The following TADA2A variants were observed in gnomAD, a reference collection of about 807,000 sequenced individuals.
The protein encoded by TADA2A is transcriptional adapter 2-alpha.
TADA2A carries 38 observed loss-of-function variants against 67.4 expected under a neutral mutation model. The observed-to-expected ratio is 0.56, with a 90% CI of 0.44 to 0.74. TADA2A has a LOEUF of 0.74. Ranked by LOEUF, TADA2A falls within the 30% of genes least tolerant of loss-of-function variation. The pLI is 0.00. For synonymous variants in TADA2A, 192 were observed against 181.6 expected, an observed-to-expected ratio of 1.06 and a Z score of -0.46; for missense variants, 454 against 547.0, an observed-to-expected ratio of 0.83 and a Z score of 1.70.
intron 4 of TADA2A, among the ~76,000 whole-genome samples, chr17:37,431,578 C>CT (rs59591200): frequency 1.1e-3 from 149 of 138,578 alleles, no homozygotes; most frequent in East Asian, 3.7e-3. Context: ...TTTATCTTTT[C>CT]TTTTTTTTTT....
intron 2 of TADA2A, among the ~76,000 whole-genome samples, chr17:37,415,874 CA>C (rs35954525): frequency 6.5e-4 from 69 of 105,830 alleles, no homozygotes; most frequent in Middle Eastern, 5.6e-3. Context: ...AACTCCTTCT[CA>C]AAAAAAAAAA....
rs529691797 is a variant in TADA2A, at chr17:37,449,082, G to A, written c.604+4314G>A. Among the ~76,000 whole-genome samples the A allele has an allele frequency of 6.6e-5, 10 of 151,648 alleles. 1 individual carries two copies. The South Asian group carries it at 1.9e-3, about 28-fold the overall frequency. On this transcript the variant is annotated intron_variant, in intron 8 of 15. Transcript: ENST00000615182. ...ATCGCCTAGGCTGGAGTGCAGTGGC[G>A]CGATCTTGGCTCGCTGCAAGCTCCG...
At chr17:37,428,709 G>A (rs963403200) in intron 4 of TADA2A, among the ~76,000 whole-genome samples, 6 of 152,136 alleles carry the variant, frequency 3.9e-5, no homozygotes, top group Admixed American at 1.3e-4. Context: ...CACCTGACTA[G>A]CTGGGACTAT....
chr17:37,474,621 G>A lies in TADA2A; in HGVS notation c.1138G>A (p.Glu380Lys). 1.9e-6 allele frequency: 3 copies of A among 1,611,972 alleles called. No individual in the cohort carries two copies. Among genetic ancestry groups the A allele is most frequent in the Non-Finnish European group, 2.5e-6 (3 of 1,178,980 alleles). The change falls in exon 15 of 16, where the codon GAA becomes AAA. Residue 380 changes from glutamate to lysine, a missense_variant. This residue lies in a region of TADA2A where 51 missense variants were observed against 91.5 expected (regional missense o/e 0.56). Coordinates refer to ENST00000615182, the MANE Select transcript of TADA2A (RefSeq NM_001166105.3). ...LPGTEKLNEK[E>K]KELCQMVRLV... ...TGGCACAGAGAAGCTGAATGAAAAAGAAAAGGAGGTAACAAAAGGGAGGGG... is the reference window on the plus strand; with the variant it reads ...TGGCACAGAGAAGCTGAATGAAAAAAAAAAGGAGGTAACAAAAGGGAGGGG...
Position 37,473,010 on chromosome 17 carries a change from G to A in TADA2A, c.1073-1546G>A, listed in dbSNP as rs2053822712. Among the ~76,000 whole-genome samples the A allele has an allele frequency of 2.0e-5, 3 of 151,894 alleles. No individual in the cohort carries two copies. In the South Asian group the frequency reaches 6.2e-4, roughly 32 times the overall value. ...AGGGTCTCCCTCTACTATCCAGGCT[G>A]GAGTGCAGTATGTGATCATGGCTCA... On this transcript the variant is annotated intron_variant, in intron 14 of 15. Coordinates refer to ENST00000615182, the MANE Select transcript of TADA2A (RefSeq NM_001166105.3).
chr17:37,461,650 G>A (rs550074294), intron 9 of TADA2A, among the ~76,000 whole-genome samples: 2 of 152,320 alleles, frequency 1.3e-5, no homozygotes, highest in South Asian at 2.1e-4. Flanking sequence ...TGAATGCACA[G>A]TTGAAAATGT....
At chr17:37,446,097 G>T (rs117120547) in intron 8 of TADA2A, among the ~76,000 whole-genome samples, 26,909 of 87,848 alleles carry the variant, frequency 0.31, 2,652 homozygotes, top group Middle Eastern at 0.45. Context: ...GTTTTTTTTT[G>T]GGGGGGTTTT....
chr17:37,457,488 ATTCTTTTTTTTTTTTTTT>A (rs1454855341), intron 8 of TADA2A, among the ~76,000 whole-genome samples: 1 of 113,974 alleles, frequency 8.8e-6, no homozygotes, highest in Non-Finnish European at 1.7e-5. Context: ...ACCAACATTA[ATTCTTTTTTTTTTTTTTT>A]TTTTTTTTTG....
At chr17:37,456,157 G>A (rs991004574) in intron 8 of TADA2A, among the ~76,000 whole-genome samples, 4 of 152,036 alleles carry the variant, frequency 2.6e-5, no homozygotes, top group Admixed American at 2.0e-4. Context: ...TGAGCCAAGC[G>A]CCCCTGCACT....
intron 8 of TADA2A, among the ~76,000 whole-genome samples, chr17:37,451,351 C>A (rs2680719): frequency 6.8e-6 from 1 of 146,964 alleles, no homozygotes; most frequent in African/African-American, 2.5e-5. Flanking sequence ...TTGAGACGCC[C>A]TCTGTAGCCC....
intron 4 of TADA2A, among the ~76,000 whole-genome samples, chr17:37,431,560 C>G (rs1172052229): frequency 2.0e-5 from 3 of 148,612 alleles, no homozygotes; most frequent in African/African-American, 7.5e-5. Flanking sequence ...TAAACCATCA[C>G]CTTTTCTTTT....
chr17:37,442,252 A>G (rs1020870811), intron 6 of TADA2A, among the ~76,000 whole-genome samples: 1 of 144,080 alleles, frequency 6.9e-6, no homozygotes, highest in Non-Finnish European at 1.5e-5. Flanking sequence ...TGTAAATTGA[A>G]GTTCATCCTA....
Position 37,462,645 on chromosome 17 carries a change from TAAA to T in TADA2A, c.712+525_712+527del, listed in dbSNP as rs2053573799. Among the ~76,000 whole-genome samples the T allele has an allele frequency of 2.1e-5, 3 of 141,750 alleles. No individual in the cohort carries two copies. The South Asian group carries it at 6.7e-4, about 32-fold the overall frequency. 93.0% of individuals were successfully genotyped at this position (141,750 alleles called of 152,430 possible). ...AGACTTAGTCTCAAAAATAAATAAA[TAAA>T]TAAGCAAATAAATAAATGTATTAAT... On this transcript the variant is annotated intron_variant, in intron 10 of 15. Transcript: ENST00000615182.
At chr17:37,459,880 A>G (rs1250389348) in intron 9 of TADA2A, among the ~76,000 whole-genome samples, 2 of 151,620 alleles carry the variant, frequency 1.3e-5, no homozygotes, top group Non-Finnish European at 2.9e-5. Context: ...AGCCTGACCA[A>G]CATGGTGAAA....
chr17:37,470,571 G>T, intron 13 of TADA2A, 39 bp downstream of exon 13: 1 of 1,479,772 alleles, frequency 6.8e-7, no homozygotes, highest in South Asian at 1.5e-5. Flanking sequence ...CATTCTTTCT[G>T]GGATGCCTTG....
At chr17:37,427,779 A>G (rs1006034717) in intron 4 of TADA2A, among the ~76,000 whole-genome samples, 1 of 152,174 alleles carries the variant, frequency 6.6e-6, no homozygotes, top group Non-Finnish European at 1.5e-5. Flanking sequence ...CAGGAGTTCA[A>G]GACCAGCCTA....
intron 8 of TADA2A, among the ~76,000 whole-genome samples, chr17:37,453,461 C>T (rs2053286746): frequency 6.6e-6 from 1 of 152,112 alleles, no homozygotes; most frequent in Admixed American, 6.6e-5. Flanking sequence ...CATGGAGGCA[C>T]CTTCAGGGAC....
At chr17:37,409,917 G>A (rs2051808373) in intron 1 of TADA2A, among the ~76,000 whole-genome samples, 2 of 151,956 alleles carry the variant, frequency 1.3e-5, no homozygotes, top group African/African-American at 4.8e-5. Context: ...CAGCACTCCA[G>A]CACTTTTGGA....
chr17:37,457,256 C>CT (rs1012558931), intron 8 of TADA2A, among the ~76,000 whole-genome samples: 3 of 148,186 alleles, frequency 2.0e-5, no homozygotes, highest in Non-Finnish European at 3.0e-5. Flanking sequence ...TCTCGGCTCA[C>CT]TGCAACCTCT....
Sources: gnomAD v4.1 joint callset for allele counts (sites outside exome capture counted in the v4.1 genomes callset) on GRCh38, gnomAD v4.1.1 for gene constraint, gnomAD v4.1.1 regional missense constraint, MANE v1.5 for transcripts, NCBI Gene and HGNC (gene_info 2026-07-23, HGNC 2026-07-21) for gene names.